STK39: variants seen among roughly 807,000 people sequenced by gnomAD.
STK39 encodes STE20/SPS1-related proline-alanine-rich protein kinase.
In STK39, 20 loss-of-function variants were observed where a neutral mutation model predicts 77.8. The observed-to-expected ratio is 0.26, with a 90% confidence interval of 0.18 to 0.37. The LOEUF (loss-of-function observed/expected upper bound fraction) is 0.37, where lower values mean the gene tolerates loss of function less well. Ranked by LOEUF, STK39 falls within the 10% of genes least tolerant of loss-of-function variation. The pLI is 1.00. For missense variants in STK39, 479 were observed against 656.5 expected (o/e 0.73, Z 2.95); for synonymous variants, 246 against 234.1 (o/e 1.05, Z -0.47).
intron 14 of STK39, among the ~76,000 whole-genome samples, chr2:168,030,664 T>G (rs1272451023): frequency 1.3e-5 from 2 of 152,112 alleles, no homozygotes; most frequent in South Asian, 4.1e-4. Flanking sequence ...GCAAGATAAT[T>G]AAATTTGATG....
At chr2:168,125,136 A>T (rs1687508185) in intron 10 of STK39, among the ~76,000 whole-genome samples, 1 of 152,132 alleles carries the variant, frequency 6.6e-6, no homozygotes, top group Admixed American at 6.5e-5. Context: ...AAAACAAAAG[A>T]GTTGATGTGA....
At chr2:167,980,233 G>T (rs959466543) in intron 16 of STK39, among the ~76,000 whole-genome samples, 2 of 152,194 alleles carry the variant, frequency 1.3e-5, no homozygotes, top group African/African-American at 4.8e-5. Context: ...TAAGCTTCAA[G>T]CTCTCTTTAC....
chr2:168,159,048 AAGTG>A (rs1688505025), intron 5 of STK39, among the ~76,000 whole-genome samples: 2 of 152,236 alleles, frequency 1.3e-5, no homozygotes, highest in Non-Finnish European at 2.9e-5. Flanking sequence ...ACATATGTAA[AAGTG>A]AGTGTTTCCC....
chr2:168,224,217 A>C lies in STK39; in HGVS notation c.208+23011T>G, dbSNP rs191773239. 4.5e-4 allele frequency among the ~76,000 whole-genome samples: 69 copies of C among 152,264 alleles called. No homozygotes were observed. The Middle Eastern group carries it at 0.017, about 38-fold the overall frequency. On this transcript the variant is annotated intron_variant, in intron 1 of 17. Transcript: ENST00000355999. ...CTTAAACTAAAAAAACAAACAACAA[A>C]AAAAAATCGCTTTCTTAGAGCACTG...
chr2:168,194,545 G>C (rs1023351312), intron 1 of STK39, among the ~76,000 whole-genome samples: 1 of 152,174 alleles, frequency 6.6e-6, no homozygotes, highest in African/African-American at 2.4e-5. Context: ...CACTACAAAT[G>C]AAAGATGAAG....
chr2:168,046,448 C>T lies in STK39; in HGVS notation c.1376+17052G>A, dbSNP rs115108856. Among the ~76,000 whole-genome samples, 525 of 152,290 alleles carry T rather than the reference C, an allele frequency of 3.4e-3. 4 individuals carry two copies. Among genetic ancestry groups the T allele is most frequent in the African/African-American group, 0.012 (494 of 41,564 alleles). On this transcript the variant is annotated intron_variant, in intron 14 of 17. Transcript: ENST00000355999. Reference sequence around the variant, plus strand: ...AGAGTGCAGAGAAGGAGCAGCCGTTCAGCATCCACGCACACCTACCCCCGT... The same window carrying T: ...AGAGTGCAGAGAAGGAGCAGCCGTTTAGCATCCACGCACACCTACCCCCGT...
intron 2 of STK39, among the ~76,000 whole-genome samples, chr2:168,168,446 G>T (rs546361707): frequency 6.6e-6 from 1 of 152,138 alleles, no homozygotes; most frequent in African/African-American, 2.4e-5. Context: ...AATGATCAAA[G>T]AAACCTCATT....
intron 1 of STK39, among the ~76,000 whole-genome samples, chr2:168,242,559 AAATATATATATATATAT>A (rs1283233026): frequency 0.022 from 1,211 of 54,202 alleles, 134 homozygotes; most frequent in African/African-American, 0.085. Flanking sequence ...AAAAAAAAAA[AAATATATATATATATAT>A]ATATATATAT....
chr2:168,246,542 C>A (rs541900662), intron 1 of STK39, among the ~76,000 whole-genome samples: 30 of 152,310 alleles, frequency 2.0e-4, no homozygotes, highest in Non-Finnish European at 4.3e-4. Flanking sequence ...CCCGGGGAGC[C>A]GGACTGGGCG....
intron 14 of STK39, among the ~76,000 whole-genome samples, chr2:168,045,636 G>A (rs1685219875): frequency 6.6e-6 from 1 of 152,108 alleles, no homozygotes; most frequent in South Asian, 2.1e-4. Context: ...CTGTGACAGT[G>A]GATATTAGGT....
intron 14 of STK39, among the ~76,000 whole-genome samples, chr2:168,038,310 T>C (rs915784293): frequency 2.6e-5 from 4 of 152,068 alleles, no homozygotes; most frequent in African/African-American, 9.7e-5. Context: ...TTATTACAAA[T>C]GTTCAGATCT....
At chr2:167,976,767 C>T (rs1316795652) in intron 16 of STK39, among the ~76,000 whole-genome samples, 1 of 152,178 alleles carries the variant, frequency 6.6e-6, no homozygotes, top group Non-Finnish European at 1.5e-5. Context: ...CACATCCCTT[C>T]CTCCAAACTG....
intron 14 of STK39, among the ~76,000 whole-genome samples, chr2:168,048,519 G>GCCCGGCCCGT (rs1685309406): frequency 6.6e-6 from 1 of 151,842 alleles, no homozygotes; most frequent in African/African-American, 2.4e-5. Context: ...GCCCGGCCCG[G>GCCCGGCCCGT]CCTATGCTTT....
intron 16 of STK39, among the ~76,000 whole-genome samples, chr2:167,985,771 A>T (rs1683541361): frequency 6.6e-6 from 1 of 152,218 alleles, no homozygotes; most frequent in Non-Finnish European, 1.5e-5. Context: ...GCATTAGGAA[A>T]TCAAAACATT....
chr2:167,972,274 A>T (rs1008231901), intron 16 of STK39, among the ~76,000 whole-genome samples: 1 of 152,236 alleles, frequency 6.6e-6, no homozygotes, highest in African/African-American at 2.4e-5. Flanking sequence ...TTTAATTACC[A>T]CAAGAAAAGA....
chr2:168,157,779 A>AGC (rs1270431045), intron 5 of STK39, among the ~76,000 whole-genome samples: 2 of 152,180 alleles, frequency 1.3e-5, no homozygotes, highest in Non-Finnish European at 2.9e-5. Context: ...TTCAAACCAC[A>AGC]GCACACACAC....
intron 2 of STK39, among the ~76,000 whole-genome samples, chr2:168,177,719 T>C (rs953354458): frequency 1.8e-4 from 27 of 152,200 alleles, no homozygotes; most frequent in Admixed American, 9.2e-4. Context: ...TTGAGGTTGA[T>C]CACAAACCAG....
chr2:167,957,772 T>G (rs963126543), intron 17 of STK39, among the ~76,000 whole-genome samples: 1 of 152,232 alleles, frequency 6.6e-6, no homozygotes, highest in African/African-American at 2.4e-5. Context: ...CAATAGTGGT[T>G]GAACTGACTA....
chr2:168,247,449 A>G lies in STK39; in HGVS notation c.-14T>C. 1.5e-6 allele frequency: 2 copies of G among 1,292,146 alleles called. No homozygotes were observed. Among genetic ancestry groups the G allele is most frequent in the Non-Finnish European group, 2.0e-6 (2 of 1,006,858 alleles). 80.0% of individuals were successfully genotyped at this position (1,292,146 alleles called of 1,614,324 possible). A position where few individuals can be genotyped will look rare whatever the true frequency, so the allele number is the denominator to read the frequency against. On this transcript the variant is annotated 5_prime_UTR_variant, in exon 1 of 18. Transcript: ENST00000355999. ...CGGCTCCGCCATGATGCTGCGGAGG[A>G]GAGCAGGAGGACGCGCCGGCCGACG...
Sources: gnomAD v4.1 joint callset for allele counts (sites outside exome capture counted in the v4.1 genomes callset) on GRCh38, gnomAD v4.1.1 for gene constraint, MANE v1.5 for transcripts, NCBI Gene and HGNC (gene_info 2026-07-23, HGNC 2026-07-21) for gene names.